NWD1: variants seen among roughly 807,000 people sequenced by gnomAD.
NWD1 encodes NACHT and WD repeat domain containing 1.
In NWD1, 129 loss-of-function variants were observed where a neutral mutation model predicts 135.1. The ratio of observed to expected loss-of-function variants is 0.96; its 90% CI spans 0.83 to 1.11. The LOEUF (loss-of-function observed/expected upper bound fraction) is 1.11. Among genes scored for constraint, NWD1 ranks in the 50% least tolerant of loss-of-function variants. NWD1 has a pLI of 0.00. For missense variants in NWD1, 1,740 were observed against 1,851.3 expected (o/e 0.94, Z 1.10); for synonymous variants, 773 against 786.0 (o/e 0.98, Z 0.28).
intron 18 of NWD1, among the ~76,000 whole-genome samples, chr19:16,809,402 T>A (rs970929381): frequency 3.9e-5 from 6 of 152,060 alleles, no homozygotes; most frequent in African/African-American, 1.2e-4. Context: ...GCAATATTTT[T>A]AAAAATCTAA....
At chr19:16,739,114 G>A (rs1415250465) in intron 4 of NWD1, among the ~76,000 whole-genome samples, 2 of 149,368 alleles carry the variant, frequency 1.3e-5, no homozygotes, top group Admixed American at 6.8e-5. Flanking sequence ...ACATTCTGTT[G>A]TAAATCTCCT....
At chr19:16,813,866 C>T (rs1458319786) in intron 18 of NWD1, among the ~76,000 whole-genome samples, 1 of 151,874 alleles carries the variant, frequency 6.6e-6, no homozygotes, top group Admixed American at 6.6e-5. Flanking sequence ...CAAGAGTTAA[C>T]ACTGGCTGGG....
At chr19:16,742,029 A>C (rs534988350) in intron 4 of NWD1, among the ~76,000 whole-genome samples, 2 of 152,038 alleles carry the variant, frequency 1.3e-5, no homozygotes, top group East Asian at 3.9e-4. Flanking sequence ...CAGTGAGCTG[A>C]GATTGTACCA....
At chr19:16,811,570 G>A (rs1184877592) in intron 18 of NWD1, among the ~76,000 whole-genome samples, 1 of 142,896 alleles carries the variant, frequency 7.0e-6, no homozygotes, top group Non-Finnish European at 1.5e-5. Flanking sequence ...GGCAACAAGA[G>A]CGAGACTCTG....
intron 17 of NWD1, among the ~76,000 whole-genome samples, chr19:16,802,092 T>G (rs1010132613): frequency 1.3e-5 from 2 of 151,880 alleles, no homozygotes; most frequent in African/African-American, 4.8e-5. Context: ...AAGACTAGCC[T>G]GGCCAACATG....
intron 13 of NWD1, among the ~76,000 whole-genome samples, chr19:16,790,650 T>A (rs910023930): frequency 5.7e-3 from 675 of 118,830 alleles, no homozygotes; most frequent in Non-Finnish European, 7.6e-3. Flanking sequence ...AATAAATAAA[T>A]AAATAAATAA....
intron 11 of NWD1, among the ~76,000 whole-genome samples, chr19:16,778,506 TTTG>T (rs1195369029): frequency 4.9e-4 from 69 of 140,680 alleles, no homozygotes; most frequent in Admixed American, 9.9e-4. Context: ...TTTTTTTTTT[TTTG>T]TTGTTGTTGT....
At position 16,791,502 on chromosome 19, in the gene NWD1, G is replaced by T. The variant is rs371809468; in HGVS notation, c.3093G>T (p.Thr1031=). Residue 1031 remains threonine, a synonymous_variant, in exon 14 of 19, where the codon ACG becomes ACT. Coordinates refer to ENST00000524140, the MANE Select transcript of NWD1 (RefSeq NM_001007525.5). ...DGVVSLWSSA[T]GKLQGKQHMS... Reference sequence around the variant, plus strand: ...TGGTCAGTCTGTGGAGCTCAGCTACGGGAAAACTTCAGGGGAAGCAACATA... The same window carrying T: ...TGGTCAGTCTGTGGAGCTCAGCTACTGGAAAACTTCAGGGGAAGCAACATA... 1 of 1,614,116 alleles carries T rather than the reference G, an allele frequency of 6.2e-7. No homozygotes were observed.
chr19:16,811,200 T>C (rs1015971345), intron 18 of NWD1, among the ~76,000 whole-genome samples: 4 of 152,238 alleles, frequency 2.6e-5, no homozygotes, highest in African/African-American at 9.6e-5. Context: ...CCATGTGAGA[T>C]TAGCACATAG....
At chr19:16,732,716 C>G (rs137866844) in intron 3 of NWD1, among the ~76,000 whole-genome samples, 1 of 148,684 alleles carries the variant, frequency 6.7e-6, no homozygotes, top group Admixed American at 6.7e-5. Context: ...CTCACTGCAA[C>G]CTTGAGCTTC....
At chr19:16,771,831 CTTTTT>C (rs529711853) in intron 10 of NWD1, among the ~76,000 whole-genome samples, 1 of 133,454 alleles carries the variant, frequency 7.5e-6, no homozygotes, top group Non-Finnish European at 1.6e-5. Context: ...ATCACGAGTC[CTTTTT>C]TTTTTTTTTT....
At chr19:16,813,822 T>A (rs966669127) in intron 18 of NWD1, among the ~76,000 whole-genome samples, 9 of 151,880 alleles carry the variant, frequency 5.9e-5, no homozygotes, top group African/African-American at 2.2e-4. Context: ...ACACCGTGTC[T>A]CTTGGTCTGT....
chr19:16,812,009 C>A (rs1157338045), intron 18 of NWD1, among the ~76,000 whole-genome samples: 4 of 152,056 alleles, frequency 2.6e-5, no homozygotes, highest in Non-Finnish European at 5.9e-5. Flanking sequence ...GAGCGAGATT[C>A]CATCAAAAAC....
chr19:16,749,761 G>T lies in NWD1; in HGVS notation c.1119G>T (p.Leu373=). Residue 373 remains leucine (L), a synonymous_variant, in exon 6 of 19, where the codon CTG becomes CTT. Transcript: ENST00000524140. Reference sequence around the variant, plus strand: ...AGACAGTGACCGTCCTGCGGCTGCTGGGGACGTCACAAATGAGCTCAGATG... The same window carrying T: ...AGACAGTGACCGTCCTGCGGCTGCTTGGGACGTCACAAATGAGCTCAGATG... ...GHKTVTVLRL[L]GTSQMSSDAR... 6.2e-7 allele frequency: 1 copy of T among 1,607,006 alleles called. No individual in the cohort carries two copies. The highest frequency in any genetic ancestry group is 1.3e-5 in the African/African-American group (1 of 74,976).
intron 2 of NWD1, among the ~76,000 whole-genome samples, chr19:16,729,908 A>AGGAG (rs1048524984): frequency 7.4e-6 from 1 of 134,752 alleles, no homozygotes; most frequent in African/African-American, 2.9e-5. Context: ...GAGAGAGAGA[A>AGGAG]GGAAGGAAGG....
At chr19:16,726,528 C>T (rs1463780047) in intron 2 of NWD1, among the ~76,000 whole-genome samples, 1 of 152,048 alleles carries the variant, frequency 6.6e-6, no homozygotes, top group Non-Finnish European at 1.5e-5. Flanking sequence ...CAACCTCCAC[C>T]TCCTGAGTTC....
intron 14 of NWD1, 52 bp downstream of exon 14, chr19:16,791,674 T>C (rs759406447): frequency 8.5e-6 from 13 of 1,530,368 alleles, no homozygotes; most frequent in Non-Finnish European, 1.2e-5. Flanking sequence ...TTGAAAGTGC[T>C]CAGATGTGCT....
chr19:16,773,176 A>G lies in NWD1; in HGVS notation c.2461A>G (p.Thr821Ala). 6.2e-6 allele frequency: 10 copies of G among 1,613,892 alleles called. No individual in the cohort carries two copies. The highest frequency in any genetic ancestry group is 8.5e-6 in the Non-Finnish European group (10 of 1,180,024). Reference sequence around the variant, plus strand: ...GCTGGCCAGACTCCATTTCTTCGCCACCTCACATCCAGCACTGGTGGGACA... The same window carrying G: ...GCTGGCCAGACTCCATTTCTTCGCCGCCTCACATCCAGCACTGGTGGGACA... Reference protein sequence around the residue: ...ELLARLHFFATSHPALVGQLC... With the variant: ...ELLARLHFFAASHPALVGQLC... Residue 821 changes from threonine to alanine, a missense_variant, in exon 11 of 19, where the codon ACC (threonine) becomes GCC (alanine). Thr to Ala is a moderately conservative substitution (Grantham distance 58, BLOSUM62 0). Coordinates refer to ENST00000524140, the MANE Select transcript of NWD1 (RefSeq NM_001007525.5).
At chr19:16,742,075 T>C (rs1160764043) in intron 4 of NWD1, among the ~76,000 whole-genome samples, 1 of 150,734 alleles carries the variant, frequency 6.6e-6, no homozygotes, top group Non-Finnish European at 1.5e-5. Context: ...TGAAACTGTG[T>C]CTCAAAAAAA....
Sources: allele counts gnomAD v4.1 joint callset (sites outside exome capture counted in the v4.1 genomes callset), GRCh38; gene constraint gnomAD v4.1.1; transcripts MANE v1.5; gene names NCBI Gene and HGNC (gene_info 2026-07-23, HGNC 2026-07-21).